The following GAB4 variants were observed in gnomAD, a reference collection of about 807,000 sequenced individuals.
GAB4 encodes the protein GRB2 associated binding protein family member 4, also known as GRB2-associated-binding protein 4.
Under a neutral mutation model 51.3 loss-of-function variants are expected in GAB4, and 26 were observed. The observed-to-expected ratio is 0.51, with a 90% CI of 0.37 to 0.70. The LOEUF is 0.70. Ranked by LOEUF, GAB4 falls within the 30% of genes least tolerant of loss-of-function variation. The pLI is 0.00. For missense variants in GAB4, 759 were observed against 734.6 expected, an observed-to-expected ratio of 1.03 and a Z score of -0.38; for synonymous variants, 329 against 291.2, an observed-to-expected ratio of 1.13 and a Z score of -1.32.
chr22:16,997,206 G>A (rs2060957295), intron 1 of GAB4, among the ~76,000 whole-genome samples: 1 of 152,176 alleles, frequency 6.6e-6, no homozygotes, highest in African/African-American at 2.4e-5. Flanking sequence ...CTAGATCCTT[G>A]AGGAGTCGCC....
chr22:16,977,992 A>T (rs562263960), intron 3 of GAB4, among the ~76,000 whole-genome samples: 9 of 151,574 alleles, frequency 5.9e-5, no homozygotes. Flanking sequence ...ATGAGAACAA[A>T]GACACAATGT....
intron 1 of GAB4, among the ~76,000 whole-genome samples, chr22:17,000,538 A>T (rs1374631418): frequency 2.0e-5 from 3 of 152,102 alleles, no homozygotes; most frequent in Non-Finnish European, 4.4e-5. Context: ...GTGTCTCTGC[A>T]CGTGAGATGG....
chr22:16,991,813 T>C lies in GAB4; in HGVS notation c.478+60A>G, dbSNP rs2060916198. On this transcript the variant is annotated intron_variant, in intron 2 of 9. Transcript: ENST00000400588. ...TGGCAGCTAGAGCTGCCCTCCTTGC[T>C]GGAGATTGGAGGGCCTCATCTCAGC... is the stretch of plus-strand genomic sequence containing the variant. The C allele has an allele frequency of 3.6e-6, 5 of 1,389,128 alleles. No individual in the cohort carries two copies. In the Admixed American group the frequency reaches 5.8e-5, roughly 16 times the overall value. 86.1% of individuals were successfully genotyped at this position (1,389,128 alleles called of 1,614,324 possible).
At chr22:17,004,979 T>A (rs1193860297) in intron 1 of GAB4, among the ~76,000 whole-genome samples, 6 of 152,154 alleles carry the variant, frequency 3.9e-5, no homozygotes, top group Non-Finnish European at 7.3e-5. Flanking sequence ...CTATTCAACA[T>A]AGTATTGGAA....
chr22:16,973,909 CAG>C, intron 3 of GAB4, among the ~76,000 whole-genome samples: 1 of 152,330 alleles, frequency 6.6e-6, no homozygotes, highest in South Asian at 2.1e-4. Flanking sequence ...TCCAAGACAG[CAG>C]AGGGCCACAT....
chr22:16,997,272 C>T (rs1485535982), intron 1 of GAB4, among the ~76,000 whole-genome samples: 1 of 152,178 alleles, frequency 6.6e-6, no homozygotes, highest in Admixed American at 6.5e-5. Context: ...AGTGTAAAAG[C>T]CTTCCTATTT....
intron 1 of GAB4, among the ~76,000 whole-genome samples, chr22:17,001,268 A>C (rs868810479): frequency 1.3e-5 from 2 of 152,216 alleles, no homozygotes; most frequent in South Asian, 2.1e-4. Flanking sequence ...CGTCACTTTC[A>C]GGTACACCAA....
At chr22:16,992,376 A>G (rs1220813979) in intron 1 of GAB4, among the ~76,000 whole-genome samples, 200 bp from the exon 2 acceptor site, 1 of 152,200 alleles carries the variant, frequency 6.6e-6, no homozygotes, top group East Asian at 1.9e-4. Context: ...ACAGAGTCTC[A>G]TCACTACAAA....
Position 16,962,725 on chromosome 22 carries a change from G to GT in GAB4, c.*7_*8insA. The stretch of plus-strand genomic sequence containing the variant: ...GTCCTGGCCCCACTCTGGTTTTGGT[G>GT]GCCCGAGTCACAGCTTGGCGCCCCT... On this transcript the variant is annotated 3_prime_UTR_variant, in exon 10 of 10. Transcript: ENST00000400588. 6.2e-7 allele frequency: 1 copy of GT among 1,607,548 alleles called. No homozygotes were observed. Among genetic ancestry groups the GT allele is most frequent in the Non-Finnish European group, 8.5e-7 (1 of 1,178,246 alleles).
At chr22:16,991,078 C>T (rs941719374) in intron 2 of GAB4, among the ~76,000 whole-genome samples, 2 of 152,098 alleles carry the variant, frequency 1.3e-5, no homozygotes, top group Admixed American at 6.5e-5. Context: ...CTGCTGAGCC[C>T]TGGACCCTTG....
At chr22:17,003,256 T>C (rs563204828) in intron 1 of GAB4, among the ~76,000 whole-genome samples, 42 of 152,264 alleles carry the variant, frequency 2.8e-4, no homozygotes, top group African/African-American at 9.6e-4. Context: ...CCACTGTCAA[T>C]ATTAGGCAGA....
In GAB4 at chr22:16,988,037, C is replaced by T. The variant is rs545946229; in HGVS notation, c.609G>A (p.Pro203=). ...GAGGTGCAGGGATGGGCCAGGTGGG[C>T]GGCACACAGTGAGACACCGGGGGCT... ...TSEPPVSHCV[P]PTWPIPAPPG... The change falls in exon 3 of 10, where the codon CCG becomes CCA. Residue 203 remains proline (P), a synonymous_variant. Coordinates refer to ENST00000400588, the MANE Select transcript of GAB4 (RefSeq NM_001037814.1). 69 of 1,607,700 alleles carry T rather than the reference C, an allele frequency of 4.3e-5. No individual in the cohort carries two copies. The highest frequency in any genetic ancestry group is 1.4e-4 in the South Asian group (13 of 89,938).
At chr22:16,987,346 G>T (rs1569103830) in intron 3 of GAB4, among the ~76,000 whole-genome samples, 1 of 152,192 alleles carries the variant, frequency 6.6e-6, no homozygotes, top group Non-Finnish European at 1.5e-5. Context: ...AGAGCCAGTG[G>T]TGTCAGAGAA....
At chr22:16,966,060 C>A (rs1459320239) in intron 6 of GAB4, 40 bp downstream of exon 6, 2 of 1,600,080 alleles carry the variant, frequency 1.2e-6, no homozygotes, top group Non-Finnish European at 1.7e-6. Flanking sequence ...AATGCAGAGT[C>A]CCTGGACATT....
intron 3 of GAB4, among the ~76,000 whole-genome samples, chr22:16,975,656 C>T (rs1049729773): frequency 6.6e-6 from 1 of 152,202 alleles, no homozygotes; most frequent in Non-Finnish European, 1.5e-5. Flanking sequence ...ACGCCCGAGC[C>T]CTGCTAAGGG....
chr22:16,982,981 C>G (rs555974848), intron 3 of GAB4, among the ~76,000 whole-genome samples: 6 of 152,220 alleles, frequency 3.9e-5, no homozygotes, highest in African/African-American at 1.4e-4. Context: ...GGGCATAAAA[C>G]CCCTAGTGGC....
chr22:16,986,169 A>C (rs1469071113), intron 3 of GAB4, among the ~76,000 whole-genome samples: 1 of 152,162 alleles, frequency 6.6e-6, no homozygotes, highest in East Asian at 1.9e-4. Flanking sequence ...TAGTATACCA[A>C]GCCTTCTACA....
intron 2 of GAB4, 44 bp from the exon 3 acceptor site, chr22:16,988,211 G>A: frequency 7.6e-7 from 1 of 1,310,882 alleles, no homozygotes; most frequent in South Asian, 1.2e-5. Context: ...TCCTAAAGTG[G>A]GCTGCTAGAG....
chr22:16,966,308 C>CA lies in GAB4; in HGVS notation c.1079dup (p.Pro361AlafsTer18), dbSNP rs1484246336. 6.2e-7 allele frequency: 1 copy of CA among 1,613,596 alleles called. No homozygotes were observed. The highest frequency in any genetic ancestry group is 2.2e-5 in the East Asian group (1 of 44,890). On this transcript the variant is annotated frameshift_variant, in exon 6 of 10. Transcript: ENST00000400588. LOFTEE classifies it high-confidence loss of function. ...GGGTAGGGGAGCCTGGGTTCATGGGCACACAGCTGCCCTCAGAAGCAATGC... is the reference window on the plus strand; with the variant it reads ...GGGTAGGGGAGCCTGGGTTCATGGGCAACACAGCTGCCCTCAGAAGCAATGC...
Sources: allele counts gnomAD v4.1 joint callset (sites outside exome capture counted in the v4.1 genomes callset), GRCh38; gene constraint gnomAD v4.1.1; transcripts MANE v1.5; gene names NCBI Gene and HGNC (gene_info 2026-07-23, HGNC 2026-07-21).